The following TLE3 variants were observed in gnomAD, a reference collection of about 807,000 sequenced individuals.
TLE3 encodes transducin-like enhancer protein 3.
Under a neutral mutation model 93.0 loss-of-function variants are expected in TLE3, and 14 were observed. The ratio of observed to expected loss-of-function variants is 0.15; its 90% CI spans 0.10 to 0.24. The LOEUF (loss-of-function observed/expected upper bound fraction) is 0.24. Among genes scored for constraint, TLE3 ranks in the 10% least tolerant of loss-of-function variants. The pLI is 1.00. For missense variants in TLE3, 693 were observed against 1,046.6 expected, an observed-to-expected ratio of 0.66 and a Z score of 4.66; for synonymous variants, 451 against 425.0, an observed-to-expected ratio of 1.06 and a Z score of -0.75.
At chr15:70,084,431 C>A (rs1455746561) in intron 4 of TLE3, among the ~76,000 whole-genome samples, 1 of 152,244 alleles carries the variant, frequency 6.6e-6, no homozygotes, top group African/African-American at 2.4e-5. Context: ...CCCAGGGTGG[C>A]AATCCCTGAT....
At chr15:70,057,072 TCAC>T (rs1279269835) in intron 13 of TLE3, among the ~76,000 whole-genome samples, 12 of 152,342 alleles carry the variant, frequency 7.9e-5, no homozygotes, top group Non-Finnish European at 1.0e-4. Context: ...TATTATTTAT[TCAC>T]CACAATAGAA....
intron 6 of TLE3, among the ~76,000 whole-genome samples, chr15:70,070,587 C>A (rs553460325): frequency 6.6e-6 from 1 of 152,196 alleles, no homozygotes; most frequent in Non-Finnish European, 1.5e-5. Context: ...TAGCTCCACA[C>A]GCATTGAGCT....
intron 6 of TLE3, among the ~76,000 whole-genome samples, chr15:70,073,401 T>C (rs1567024063): frequency 6.6e-6 from 1 of 152,082 alleles, no homozygotes; most frequent in African/African-American, 2.4e-5. Context: ...CAGAGGAAAA[T>C]TGTGGGGCCT....
Position 70,058,897 on chromosome 15 carries a change from A to G in TLE3, c.766-82T>C, listed in dbSNP as rs925784890. On this transcript the variant is annotated intron_variant, in intron 10 of 19. Transcript: ENST00000451782. This position sits in a 1 kb window ranked among gnomAD's most constrained non-coding sequence, Gnocchi z 4.1. ...CCCTGCTCTGGGAGTGGGAAGAGAG[A>G]GGGCATGGGCGATGGGAAGACGAGC... is the stretch of plus-strand genomic sequence containing the variant. 1.4e-6 allele frequency: 2 copies of G among 1,449,568 alleles called. No individual in the cohort carries two copies. Among genetic ancestry groups the G allele is most frequent in the Non-Finnish European group, 1.8e-6 (2 of 1,102,762 alleles). 89.8% of individuals were successfully genotyped at this position (1,449,568 alleles called of 1,614,324 possible).
intron 19 of TLE3, chr15:70,050,505 G>C: frequency 4.7e-6 from 1 of 213,220 alleles, no homozygotes. Flanking sequence ...ATCAGAACAG[G>C]ACGCTTTAGC....
chr15:70,097,766 AACAC>A lies in TLE3; in HGVS notation c.-972_-969del, dbSNP rs765447704. ...TCTCCGCGCCCCGGCAAACCCCCAAAACACACACACCCAACACACACACACGCGC... is the reference window on the plus strand; with the variant it reads ...TCTCCGCGCCCCGGCAAACCCCCAAAACACACCCAACACACACACACGCGC... On this transcript the variant is annotated 5_prime_UTR_variant, in exon 1 of 20. Coordinates refer to ENST00000451782, the MANE Select transcript of TLE3 (RefSeq NM_001105192.3). 6.2e-4 allele frequency: 241 copies of A among 388,760 alleles called. No homozygotes were observed. The highest frequency in any genetic ancestry group is 8.4e-4 in the Non-Finnish European group (186 of 220,506). The allele number at this position is 388,760 out of a possible 1,614,324, so 24.1% of individuals were successfully genotyped here. A position where few individuals can be genotyped will look rare whatever the true frequency, so the allele number is the denominator to read the frequency against.
At chr15:70,074,172 G>C (rs1369805761) in intron 6 of TLE3, among the ~76,000 whole-genome samples, 1 of 152,286 alleles carries the variant, frequency 6.6e-6, no homozygotes, top group African/African-American at 2.4e-5. Context: ...AGGCCCCGGG[G>C]TAAGTGTGAG....
chr15:70,070,588 G>A lies in TLE3; in HGVS notation c.372+3945C>T, dbSNP rs199748760. Among the ~76,000 whole-genome samples the A allele has an allele frequency of 4.6e-5, 7 of 152,266 alleles. No homozygotes were observed. The East Asian group carries it at 9.6e-4, about 21-fold the overall frequency. ...CTCAGTGGGCACCATAGCTCCACAC[G>A]CATTGAGCTTCTGGGGTTGGTAATA... On this transcript the variant is annotated intron_variant, in intron 6 of 19. Coordinates refer to ENST00000451782, the MANE Select transcript of TLE3 (RefSeq NM_001105192.3).
chr15:70,079,566 G>A (rs1385371127), intron 4 of TLE3: 2 of 385,876 alleles, frequency 5.2e-6, no homozygotes, highest in Non-Finnish European at 1.0e-5. Context: ...CAGGGATTGG[G>A]CCTCCCCCAT....
intron 10 of TLE3, 30 bp downstream of exon 10, chr15:70,059,380 G>C (rs775350185): frequency 8.1e-6 from 13 of 1,599,952 alleles, no homozygotes; most frequent in Non-Finnish European, 1.1e-5. Flanking sequence ...GCCAAACCAA[G>C]AGCCCCCTTG....
At chr15:70,069,528 T>C (rs1041898848) in intron 6 of TLE3, among the ~76,000 whole-genome samples, 9 of 152,184 alleles carry the variant, frequency 5.9e-5, no homozygotes, top group Admixed American at 5.2e-4. Context: ...GAATCTCCCA[T>C]GCAAAACTGA....
At chr15:70,050,361 C>T (rs1366761277) in intron 19 of TLE3, 157 bp from the exon 20 acceptor site, 4 of 564,766 alleles carry the variant, frequency 7.1e-6, no homozygotes, top group East Asian at 2.9e-5. Flanking sequence ...GAGCACAGTG[C>T]GGTGAAGAGG....
chr15:70,067,118 T>C (rs1357254376), intron 6 of TLE3, among the ~76,000 whole-genome samples: 1 of 152,142 alleles, frequency 6.6e-6, no homozygotes, highest in East Asian at 1.9e-4. Flanking sequence ...TCAACAACAA[T>C]GCAATTCTCC....
At chr15:70,053,200 G>A (rs1159387967) in intron 17 of TLE3, 27 bp downstream of exon 17, 1 of 1,599,844 alleles carries the variant, frequency 6.3e-7, no homozygotes, top group South Asian at 1.1e-5. Context: ...CTGCTCTTTG[G>A]GAAGGGAGGA....
rs2056795575 is a variant in TLE3, at chr15:70,066,039, C to T, written c.552G>A (p.Lys184=). The stretch of plus-strand genomic sequence containing the variant: ...CTCTGTGATCGAGTTCATGGTGGTT[C>T]TTCTCATCCTTCACCGTCAGATGGG... ...SQAHLTVKDE[K]NHHELDHRER... Residue 184 remains lysine (K), a synonymous_variant, in exon 7 of 20, where the codon AAG becomes AAA. Coordinates refer to ENST00000451782, the MANE Select transcript of TLE3 (RefSeq NM_001105192.3). 1.4e-6 allele frequency: 2 copies of T among 1,461,062 alleles called. No homozygotes were observed. The highest frequency in any genetic ancestry group is 9.2e-7 in the Non-Finnish European group (1 of 1,085,422). The allele number at this position is 1,461,062 out of a possible 1,614,324, so 90.5% of individuals were successfully genotyped here.
chr15:70,060,515 G>A lies in TLE3; in HGVS notation c.714+15C>T. 6.2e-7 allele frequency: 1 copy of A among 1,613,342 alleles called. No individual in the cohort carries two copies. The highest frequency in any genetic ancestry group is 8.5e-7 in the Non-Finnish European group (1 of 1,179,642). ...CAACAGAAACCCCAGTGGTGCCATG[G>A]CGCCTTGGACGTACGTATCGGCTCA... On this transcript the variant is annotated intron_variant, in intron 9 of 19. Coordinates refer to ENST00000451782, the MANE Select transcript of TLE3 (RefSeq NM_001105192.3).
At chr15:70,078,926 C>T (rs926992007) in intron 4 of TLE3, among the ~76,000 whole-genome samples, 17 of 152,276 alleles carry the variant, frequency 1.1e-4, no homozygotes, top group East Asian at 9.7e-4. Context: ...GTCAGGGTCT[C>T]GGGAGTTGAC....
At chr15:70,053,189 A>C in intron 17 of TLE3, 38 bp downstream of exon 17, 1 of 1,593,880 alleles carries the variant, frequency 6.3e-7, no homozygotes, top group South Asian at 1.1e-5. Flanking sequence ...GAGGGAACAC[A>C]CTGCTCTTTG....
rs761618775 is a variant in TLE3 at position 70,056,318 on chromosome 15, G to A, written c.1308C>T (p.Ala436=). 6.2e-7 allele frequency: 1 copy of A among 1,613,732 alleles called. No homozygotes were observed. Among genetic ancestry groups the A allele is most frequent in the Non-Finnish European group, 8.5e-7 (1 of 1,179,880 alleles). ...CTTACGGTTTTCCTCCAGGAATGGA[G>A]GCCAGGCTTGAGGGGAGGCCTGTGG... ...MRATGLPSSL[A]SIPGGKPAYS... The change falls in exon 14 of 20, where the codon GCC becomes GCT. Residue 436 remains alanine, a synonymous_variant. Transcript: ENST00000451782.
Sources: gnomAD v4.1 joint callset for allele counts (sites outside exome capture counted in the v4.1 genomes callset) on GRCh38, gnomAD v4.1.1 for gene constraint, Gnocchi (gnomAD v3.1) non-coding constraint, MANE v1.5 for transcripts, NCBI Gene and HGNC (gene_info 2026-07-23, HGNC 2026-07-21) for gene names.